SNTG2: variants seen among roughly 807,000 people sequenced by gnomAD.
SNTG2 encodes the protein gamma-2-syntrophin.
In SNTG2, 74 loss-of-function variants were observed where a neutral mutation model predicts 70.9. The ratio of observed to expected loss-of-function variants is 1.04; its 90% CI spans 0.86 to 1.27. The LOEUF (loss-of-function observed/expected upper bound fraction) is 1.27, where lower values mean the gene tolerates loss of function less well. SNTG2 is among the 50% of genes most tolerant of loss of function. The pLI is 0.00. For missense variants in SNTG2, 717 were observed against 690.7 expected, an observed-to-expected ratio of 1.04 and a Z score of -0.43; for synonymous variants, 278 against 273.8, an observed-to-expected ratio of 1.02 and a Z score of -0.15.
chr2:951,636 T>C (rs1375006714), intron 1 of SNTG2, among the ~76,000 whole-genome samples: 2 of 152,214 alleles, frequency 1.3e-5, no homozygotes, highest in African/African-American at 4.8e-5. Flanking sequence ...GTTCCCACCC[T>C]AAATAACTCC....
intron 1 of SNTG2, among the ~76,000 whole-genome samples, chr2:1,036,322 CTT>C (rs1661126209): frequency 6.6e-6 from 1 of 151,852 alleles, no homozygotes; most frequent in African/African-American, 2.4e-5. Flanking sequence ...ATCACTTCCT[CTT>C]ATCTATACTC....
At chr2:1,170,874 G>A (rs530810773) in intron 7 of SNTG2, among the ~76,000 whole-genome samples, 2 of 152,154 alleles carry the variant, frequency 1.3e-5, no homozygotes, top group Admixed American at 1.3e-4. Context: ...CCGACTACTG[G>A]AATTGCTGGG....
At chr2:988,227 G>C (rs1300477339) in intron 1 of SNTG2, among the ~76,000 whole-genome samples, 2 of 152,206 alleles carry the variant, frequency 1.3e-5, no homozygotes, top group African/African-American at 4.8e-5. Context: ...GGTGGGGAGA[G>C]CCTGTGGCCG....
At chr2:1,233,073 T>A (rs1676368312) in intron 9 of SNTG2, among the ~76,000 whole-genome samples, 1 of 152,240 alleles carries the variant, frequency 6.6e-6, no homozygotes, top group African/African-American at 2.4e-5. Flanking sequence ...GATGAAAGCT[T>A]CCTTGGTTAA....
intron 4 of SNTG2, among the ~76,000 whole-genome samples, chr2:1,120,273 C>G (rs1168242808): frequency 6.6e-6 from 1 of 152,002 alleles, no homozygotes; most frequent in Non-Finnish European, 1.5e-5. Context: ...ACTTATCTAT[C>G]AATAATTACT....
chr2:1,021,369 G>T (rs1050316144), intron 1 of SNTG2, among the ~76,000 whole-genome samples: 1 of 151,988 alleles, frequency 6.6e-6, no homozygotes, highest in African/African-American at 2.4e-5. Flanking sequence ...TCTCAAGCAC[G>T]CTCTCATAAT....
chr2:1,055,042 T>A (rs1347332166), intron 1 of SNTG2, among the ~76,000 whole-genome samples: 2 of 152,168 alleles, frequency 1.3e-5, no homozygotes, highest in African/African-American at 4.8e-5. Flanking sequence ...CGTCAGGTAC[T>A]GCTGTGTGAG....
intron 1 of SNTG2, among the ~76,000 whole-genome samples, chr2:1,052,997 G>A (rs1230525281): frequency 1.3e-5 from 2 of 152,210 alleles, no homozygotes; most frequent in African/African-American, 4.8e-5. Context: ...CTTTTCAGGA[G>A]CGGAGATTTT....
chr2:1,234,783 C>G (rs1217224600), intron 9 of SNTG2, among the ~76,000 whole-genome samples: 1 of 132,768 alleles, frequency 7.5e-6, no homozygotes, highest in Non-Finnish European at 1.6e-5. Context: ...CCTGGGTCCA[C>G]TGTCTCTACT....
chr2:1,244,695 C>CAAAAA (rs558051455), intron 11 of SNTG2, among the ~76,000 whole-genome samples: 5 of 88,618 alleles, frequency 5.6e-5, no homozygotes, highest in Non-Finnish European at 1.1e-4. Context: ...GACTCCATCT[C>CAAAAA]AAAAAAAAAA....
chr2:979,440 G>A (rs561184629), intron 1 of SNTG2, among the ~76,000 whole-genome samples: 50 of 152,318 alleles, frequency 3.3e-4, no homozygotes, highest in African/African-American at 1.2e-3. Context: ...TTTGAAGGAG[G>A]AATGGGAGCT....
At chr2:1,071,427 C>T (rs1410831291) in intron 1 of SNTG2, among the ~76,000 whole-genome samples, 8 of 145,938 alleles carry the variant, frequency 5.5e-5, no homozygotes, top group Admixed American at 1.4e-4. Context: ...CGCATATTCT[C>T]GCTCATAGGT....
At chr2:1,161,890 C>T (rs930116439) in intron 6 of SNTG2, among the ~76,000 whole-genome samples, 45 of 151,980 alleles carry the variant, frequency 3.0e-4, no homozygotes, top group South Asian at 1.7e-3. Context: ...CTGGCTAACA[C>T]GGTGAAACCC....
At chr2:952,806 T>C (rs1217130554) in intron 1 of SNTG2, among the ~76,000 whole-genome samples, 2 of 152,240 alleles carry the variant, frequency 1.3e-5, no homozygotes, top group Non-Finnish European at 2.9e-5. Flanking sequence ...CTCAGATTCT[T>C]ATGTATTTAA....
intron 1 of SNTG2, among the ~76,000 whole-genome samples, chr2:1,076,243 T>A (rs1034295753): frequency 5.3e-5 from 8 of 152,196 alleles, no homozygotes; most frequent in Admixed American, 3.9e-4. Flanking sequence ...TTCTTACAGC[T>A]CCCTTAGCTG....
intron 1 of SNTG2, among the ~76,000 whole-genome samples, chr2:1,078,728 G>T (rs546386691): frequency 6.5e-4 from 99 of 152,260 alleles, no homozygotes; most frequent in African/African-American, 2.3e-3. Flanking sequence ...CTGGGACAAG[G>T]CTGGAAACAG....
rs373215143 is a variant in SNTG2, at chr2:964,036, T to C, written c.72+12968T>C. Reference sequence around the variant, plus strand: ...GGCTCAGCGATCCACGCAGTCACAGTGTGTGCTGCTCTCCCTGTTGGCGAG... The same window carrying C: ...GGCTCAGCGATCCACGCAGTCACAGCGTGTGCTGCTCTCCCTGTTGGCGAG... On this transcript the variant is annotated intron_variant, in intron 1 of 16. Coordinates refer to ENST00000308624, the MANE Select transcript of SNTG2 (RefSeq NM_018968.4). 2.0e-5 allele frequency among the ~76,000 whole-genome samples: 3 copies of C among 152,176 alleles called. No individual in the cohort carries two copies. In the South Asian group the frequency reaches 6.2e-4, roughly 32 times the overall value.
chr2:1,312,094 T>C lies in SNTG2; in HGVS notation c.1377+3508T>C, dbSNP rs80334486. On this transcript the variant is annotated intron_variant, in intron 15 of 16. Coordinates refer to ENST00000308624, the MANE Select transcript of SNTG2 (RefSeq NM_018968.4). ...TTCACCATCAACTATCTATTTTCAA[T>C]GTTGAGAAAGGAGGTAAGCAGGAAA... is the stretch of plus-strand genomic sequence containing the variant. Among the ~76,000 whole-genome samples, 144 of 152,178 alleles carry C rather than the reference T, an allele frequency of 9.5e-4. 1 individual carries two copies. The highest frequency in any genetic ancestry group is 3.4e-3 in the African/African-American group (143 of 41,510).
intron 6 of SNTG2, among the ~76,000 whole-genome samples, chr2:1,146,275 A>G (rs1474654322): frequency 1.3e-5 from 2 of 152,214 alleles, no homozygotes; most frequent in East Asian, 3.8e-4. Flanking sequence ...CTGGACTTTG[A>G]AATTTAAAAA....
Sources: gnomAD v4.1 joint callset for allele counts (sites outside exome capture counted in the v4.1 genomes callset) on GRCh38, gnomAD v4.1.1 for gene constraint, MANE v1.5 for transcripts, NCBI Gene and HGNC (gene_info 2026-07-23, HGNC 2026-07-21) for gene names.